Variants in PGPEP1L observed in about 807,000 individuals in gnomAD.
PGPEP1L encodes the protein pyroglutamyl-peptidase 1-like protein.
In PGPEP1L, 7 loss-of-function variants were observed where a neutral mutation model predicts 6.0. The observed-to-expected ratio is 1.17, with a 90% confidence interval of 0.66 to 2.19. PGPEP1L has a LOEUF of 2.19. PGPEP1L is among the 30% of genes most tolerant of loss of function. PGPEP1L has a pLI of 0.00. For synonymous variants in PGPEP1L, 103 were observed against 83.9 expected, an observed-to-expected ratio of 1.23 and a Z score of -1.24; for missense variants, 209 against 192.5, an observed-to-expected ratio of 1.09 and a Z score of -0.51.
At chr15:98,976,891 C>T (rs1420215656) in intron 2 of PGPEP1L, among the ~76,000 whole-genome samples, 3 of 151,414 alleles carry the variant, frequency 2.0e-5, no homozygotes, top group Non-Finnish European at 4.4e-5. Flanking sequence ...AGAGGAGAAA[C>T]AAGGAGGGCC....
chr15:99,005,827 T>C (rs782508761), intron 1 of PGPEP1L, among the ~76,000 whole-genome samples, 171 bp from the exon 2 acceptor site: 29 of 152,174 alleles, frequency 1.9e-4, no homozygotes, highest in Non-Finnish European at 3.2e-4. Flanking sequence ...CCGGTTTGCC[T>C]GGGACAGAAG....
chr15:98,998,348 A>G (rs1341144542), intron 2 of PGPEP1L, among the ~76,000 whole-genome samples: 5 of 152,164 alleles, frequency 3.3e-5, no homozygotes, highest in Non-Finnish European at 5.9e-5. Context: ...CCAACCTGGG[A>G]GCATTCTCAG....
intron 2 of PGPEP1L, among the ~76,000 whole-genome samples, chr15:98,979,763 C>T (rs1304326801): frequency 1.3e-5 from 2 of 150,812 alleles, no homozygotes; most frequent in African/African-American, 4.9e-5. Flanking sequence ...GATTCTTCTG[C>T]CTCAGCCACC....
At chr15:99,004,805 T>TG (rs1215172494) in intron 2 of PGPEP1L, among the ~76,000 whole-genome samples, 1 of 151,696 alleles carries the variant, frequency 6.6e-6, no homozygotes, top group South Asian at 2.1e-4. Context: ...CAAGTGTGGG[T>TG]GGGGGTGACT....
At chr15:98,985,098 G>A (rs1434246803) in intron 2 of PGPEP1L, among the ~76,000 whole-genome samples, 7 of 152,144 alleles carry the variant, frequency 4.6e-5, no homozygotes, top group South Asian at 2.1e-4. Flanking sequence ...GGCACTGGAC[G>A]CAGAGCTTGA....
intron 2 of PGPEP1L, among the ~76,000 whole-genome samples, chr15:99,002,994 T>C (rs1231586406): frequency 6.6e-6 from 1 of 152,146 alleles, no homozygotes; most frequent in African/African-American, 2.4e-5. Context: ...ACCTTTGCAA[T>C]TCCTGAACAT....
chr15:98,968,261 C>G lies in PGPEP1L; in HGVS notation c.*217G>C. The G allele has an allele frequency of 1.7e-6, 1 of 580,686 alleles. No individual in the cohort carries two copies. Among genetic ancestry groups the G allele is most frequent in the South Asian group, 2.1e-5 (1 of 48,374 alleles). The allele number at this position is 580,686 out of a possible 1,614,324, so 36.0% of individuals were successfully genotyped here. Reference sequence around the variant, plus strand: ...GATTTCATTTTATTGTCATGAAAACCATAACTGAAGCTAGTTCATCCCCTG... The same window carrying G: ...GATTTCATTTTATTGTCATGAAAACGATAACTGAAGCTAGTTCATCCCCTG... On this transcript the variant is annotated 3_prime_UTR_variant, in exon 5 of 5. Transcript: ENST00000535714.
chr15:98,975,968 TAA>T (rs998774522), intron 2 of PGPEP1L, among the ~76,000 whole-genome samples: 2 of 151,624 alleles, frequency 1.3e-5, no homozygotes, highest in Non-Finnish European at 2.9e-5. Flanking sequence ...TAAGCCAGAT[TAA>T]AAAAAAGACA....
intron 2 of PGPEP1L, among the ~76,000 whole-genome samples, chr15:98,991,569 AATAG>A (rs1351027121): frequency 2.0e-5 from 3 of 151,884 alleles, no homozygotes; most frequent in African/African-American, 7.2e-5. Context: ...AAGTATTCCA[AATAG>A]ATAGAGGGAA....
At position 99,007,418 on chromosome 15, in the gene PGPEP1L, C is replaced by G. The variant is rs547542388; in HGVS notation, c.-429G>C. 1.2e-4 allele frequency: 19 copies of G among 152,560 alleles called. No individual in the cohort carries two copies. The highest frequency in any genetic ancestry group is 3.8e-4 in the African/African-American group (16 of 41,570). The allele number at this position is 152,560 out of a possible 1,614,324, so 9.5% of individuals were successfully genotyped here. A position where few individuals can be genotyped will look rare whatever the true frequency, so the allele number is the denominator to read the frequency against. ...TTCTTGGTCTCACTGACTTCAAGAA[C>G]GAAGCCGCGGACCCTGGCGGTGAGT... On this transcript the variant is annotated 5_prime_UTR_variant, in exon 1 of 5. Transcript: ENST00000535714.
rs139778983 is a variant in PGPEP1L at position 99,007,431 on chromosome 15, C to G, written c.-442G>C. The G allele has an allele frequency of 9.6e-3, 1,464 of 152,418 alleles. 11 individuals are homozygous for G. The highest frequency in any genetic ancestry group is 0.017 in the Middle Eastern group (5 of 296). The allele number at this position is 152,418 out of a possible 1,614,324, so 9.4% of individuals were successfully genotyped here. ...TGACTTCAAGAACGAAGCCGCGGACCCTGGCGGTGAGTGTTACAGTTTTTA... is the reference window on the plus strand; with the variant it reads ...TGACTTCAAGAACGAAGCCGCGGACGCTGGCGGTGAGTGTTACAGTTTTTA... On this transcript the variant is annotated 5_prime_UTR_variant, in exon 1 of 5. Transcript: ENST00000535714.
At chr15:98,997,281 G>A (rs782119218) in intron 2 of PGPEP1L, among the ~76,000 whole-genome samples, 1 of 152,192 alleles carries the variant, frequency 6.6e-6, no homozygotes, top group Non-Finnish European at 1.5e-5. Flanking sequence ...TAACTCAAGA[G>A]TTGAGAGTTT....
chr15:98,979,255 G>C (rs1009620088), intron 2 of PGPEP1L, among the ~76,000 whole-genome samples: 1 of 151,916 alleles, frequency 6.6e-6, no homozygotes, highest in Non-Finnish European at 1.5e-5. Context: ...GACAGTAAAA[G>C]TACTGCTCAA....
rs781239551 is a variant in PGPEP1L at position 98,968,540 on chromosome 15, G to A, written c.367C>T (p.Pro123Ser). ...IQEMLEEVGK[P>S]KHRAQFEENS... Reference sequence around the variant, plus strand: ...TCTTCGAACTGGGCTCTGTGCTTGGGCTTTCCCACCTCTTCCAGCATTTCC... The same window carrying A: ...TCTTCGAACTGGGCTCTGTGCTTGGACTTTCCCACCTCTTCCAGCATTTCC... Residue 123 changes from proline (P) to serine (S), a missense_variant, in exon 5 of 5, where the codon CCC becomes TCC. By Grantham distance (74) the Pro-to-Ser change is moderately conservative (BLOSUM62 -1). Coordinates refer to ENST00000535714, the MANE Select transcript of PGPEP1L (RefSeq NM_001167902.2). The A allele has an allele frequency of 3.7e-6, 6 of 1,612,904 alleles. No homozygotes were observed. The Admixed American group carries it at 1.0e-4, about 27-fold the overall frequency.
chr15:99,000,205 T>C (rs2017943267), intron 2 of PGPEP1L, among the ~76,000 whole-genome samples: 1 of 152,222 alleles, frequency 6.6e-6, no homozygotes, highest in African/African-American at 2.4e-5. Flanking sequence ...CAGTAGCTGC[T>C]GTGCTCAACT....
At chr15:98,982,434 G>A (rs933515751) in intron 2 of PGPEP1L, among the ~76,000 whole-genome samples, 13 of 152,236 alleles carry the variant, frequency 8.5e-5, no homozygotes, top group African/African-American at 2.9e-4. Context: ...AGTGAACTGT[G>A]TATCACCACT....
chr15:98,988,611 C>G (rs987143729), intron 2 of PGPEP1L, among the ~76,000 whole-genome samples: 1 of 152,202 alleles, frequency 6.6e-6, no homozygotes, highest in African/African-American at 2.4e-5. Context: ...AAGAGAGGAG[C>G]GGATCTCCCA....
chr15:98,996,577 T>C (rs1182879444), intron 2 of PGPEP1L, among the ~76,000 whole-genome samples: 1 of 151,122 alleles, frequency 6.6e-6, no homozygotes, highest in Non-Finnish European at 1.5e-5. Flanking sequence ...TGCATGCATG[T>C]ATTATGTGTG....
At chr15:99,004,392 G>A (rs1477267208) in intron 2 of PGPEP1L, among the ~76,000 whole-genome samples, 7 of 149,092 alleles carry the variant, frequency 4.7e-5, no homozygotes, top group Admixed American at 1.3e-4. Flanking sequence ...CTGGACAACA[G>A]AGGGAGACTG....
Sources: allele counts gnomAD v4.1 joint callset (sites outside exome capture counted in the v4.1 genomes callset), GRCh38; gene constraint gnomAD v4.1.1; transcripts MANE v1.5; gene names NCBI Gene and HGNC (gene_info 2026-07-23, HGNC 2026-07-21).